Variants in FGL1 observed in about 807,000 individuals in gnomAD.
The protein encoded by FGL1 is fibrinogen like 1, also known as fibrinogen-like protein 1.
Under a neutral mutation model 43.7 loss-of-function variants are expected in FGL1, and 59 were observed. The observed-to-expected ratio is 1.35, with a 90% confidence interval of 1.10 to 1.68. FGL1 has a LOEUF of 1.68. Among genes scored for constraint, FGL1 ranks in the 40% most tolerant of loss-of-function variants. FGL1 has a pLI of 0.00. For missense variants in FGL1, 596 were observed against 373.0 expected, an observed-to-expected ratio of 1.60 and a Z score of -4.92; for synonymous variants, 192 against 126.5, an observed-to-expected ratio of 1.52 and a Z score of -3.48.
intron 7 of FGL1, among the ~76,000 whole-genome samples, chr8:17,867,132 C>G (rs1242602218): frequency 6.6e-6 from 1 of 152,196 alleles, no homozygotes; most frequent in Admixed American, 6.5e-5. Flanking sequence ...GTAGTACTCC[C>G]TTATCTGCAG....
intron 3 of FGL1, 96 bp downstream of exon 3, chr8:17,881,903 T>A (rs901129666): frequency 9.9e-7 from 1 of 1,012,050 alleles, no homozygotes. Context: ...TATTGCTTGT[T>A]ACTGAAATAG....
chr8:17,886,807 G>C (rs111656633), intron 1 of FGL1, among the ~76,000 whole-genome samples: 1 of 119,484 alleles, frequency 8.4e-6, no homozygotes, highest in Non-Finnish European at 1.8e-5. Context: ...GAGAGGAGAG[G>C]AGAGAAGAGA....
chr8:17,885,785 C>G (rs1412490955), intron 1 of FGL1: 5 of 502,304 alleles, frequency 1.0e-5, no homozygotes, highest in African/African-American at 1.9e-5. Context: ...ATCACAAAAA[C>G]AGAGGAAGGA....
Position 17,864,636 on chromosome 8 carries a change from C to A in FGL1, c.895G>T (p.Val299Phe). 6.2e-7 allele frequency: 1 copy of A among 1,612,122 alleles called. No homozygotes were observed. The highest frequency in any genetic ancestry group is 8.5e-7 in the Non-Finnish European group (1 of 1,179,558). ...AAATCATTTGGCCTAATTTTCATAA[C>A]CACAGATTTCAGAGAATACCACCAC... ...HGWWYSLKSV[V>F]MKIRPNDFIP... The change falls in exon 8 of 8, where the codon GTT becomes TTT. Residue 299 changes from valine (V) to phenylalanine (F), a missense_variant. Val to Phe is a conservative substitution (Grantham distance 50, BLOSUM62 -1). Coordinates refer to ENST00000427924, the MANE Select transcript of FGL1 (RefSeq NM_004467.4).
At chr8:17,880,644 G>C (rs1402672091) in intron 3 of FGL1, among the ~76,000 whole-genome samples, 3 of 152,146 alleles carry the variant, frequency 2.0e-5, no homozygotes, top group Non-Finnish European at 4.4e-5. Flanking sequence ...ACCTCACAGA[G>C]TGCCCAGTTA....
At chr8:17,876,785 A>C (rs1182673486) in intron 3 of FGL1, among the ~76,000 whole-genome samples, 1 of 152,182 alleles carries the variant, frequency 6.6e-6, no homozygotes, top group Non-Finnish European at 1.5e-5. Context: ...ATTAGCTATA[A>C]CATTTGCCTC....
At chr8:17,871,872 C>A (rs1234252290) in intron 5 of FGL1, among the ~76,000 whole-genome samples, 2 of 152,128 alleles carry the variant, frequency 1.3e-5, no homozygotes, top group Non-Finnish European at 2.9e-5. Context: ...TGGCAAAGTT[C>A]CTCTGGGAAA....
intron 1 of FGL1, among the ~76,000 whole-genome samples, chr8:17,886,895 GA>G (rs1164992049): frequency 6.6e-6 from 1 of 152,174 alleles, no homozygotes; most frequent in Non-Finnish European, 1.5e-5. Flanking sequence ...CACCCTAGGG[GA>G]TTCTGGATTG....
At chr8:17,893,475 T>C (rs2053735133) in intron 1 of FGL1, among the ~76,000 whole-genome samples, 1 of 150,634 alleles carries the variant, frequency 6.6e-6, no homozygotes, top group Admixed American at 6.6e-5. Flanking sequence ...TAGCATTAGA[T>C]TTAGTAAAAA....
chr8:17,864,622 C>T lies in FGL1; in HGVS notation c.909G>A (p.Arg303=). The change falls in exon 8 of 8, where the codon AGG becomes AGA. Residue 303 remains arginine, a synonymous_variant. Transcript: ENST00000427924. The stretch of plus-strand genomic sequence containing the variant: ...TTACATTTGGAATAAAATCATTTGG[C>T]CTAATTTTCATAACCACAGATTTCA... ...YSLKSVVMKI[R]PNDFIPNVI is the part of the protein sequence containing the mutation. 1.2e-6 allele frequency: 2 copies of T among 1,609,846 alleles called. No individual in the cohort carries two copies. The highest frequency in any genetic ancestry group is 1.7e-6 in the Non-Finnish European group (2 of 1,179,048).
chr8:17,890,430 A>G (rs544951409), intron 1 of FGL1, among the ~76,000 whole-genome samples: 3 of 152,220 alleles, frequency 2.0e-5, no homozygotes, highest in Admixed American at 2.0e-4. Context: ...GCATTTTTGG[A>G]AAACCCTGAA....
chr8:17,882,183 C>G lies in FGL1; in HGVS notation c.64-4G>C, dbSNP rs7812956. On this transcript the variant is annotated splice_region_variant and splice_polypyrimidine_tract_variant and intron_variant, in intron 2 of 7. Coordinates refer to ENST00000427924, the MANE Select transcript of FGL1 (RefSeq NM_004467.4). ...CCTGGGCACAGTCCTCGAGCGCCTG[C>G]AAAACAGGTGAGATGAGATGAGTAT... 5 of 1,611,266 alleles carry G rather than the reference C, an allele frequency of 3.1e-6. 1 individual carries two copies. Among genetic ancestry groups the G allele is most frequent in the Middle Eastern group, 3.6e-4 (2 of 5,518 alleles).
intron 2 of FGL1, among the ~76,000 whole-genome samples, chr8:17,883,739 G>T (rs1410609073): frequency 7.0e-6 from 1 of 143,386 alleles, no homozygotes; most frequent in African/African-American, 2.6e-5. Context: ...CCCATCTCTA[G>T]GTCCAAGTCA....
rs969106759 is a variant in FGL1 at position 17,881,877 on chromosome 8, T to C, written c.244+122A>G. ...AAAGTGTGAAAGAAGACATTTACAA[T>C]AGATATAATGCTTCATATTGCTTGT... is the stretch of plus-strand genomic sequence containing the variant. On this transcript the variant is annotated intron_variant, in intron 3 of 7. Transcript: ENST00000427924. 13 of 704,994 alleles carry C rather than the reference T, an allele frequency of 1.8e-5. No individual in the cohort carries two copies. In the African/African-American group the frequency reaches 2.0e-4, roughly 11 times the overall value. 43.7% of individuals were successfully genotyped at this position (704,994 alleles called of 1,614,324 possible).
At chr8:17,891,626 A>C (rs2053706297) in intron 1 of FGL1, 6 of 960,356 alleles carry the variant, frequency 6.2e-6, no homozygotes, top group Non-Finnish European at 6.2e-6. Context: ...AGCTGAACCT[A>C]GCACAGGTAC....
intron 1 of FGL1, chr8:17,891,268 A>T (rs1351594462): frequency 6.6e-6 from 1 of 152,192 alleles, no homozygotes; most frequent in African/African-American, 2.4e-5. Context: ...TCTGGAGGAT[A>T]CAAGTCCAAA....
intron 1 of FGL1, among the ~76,000 whole-genome samples, chr8:17,887,507 G>A (rs539021365): frequency 9.3e-4 from 142 of 152,276 alleles, no homozygotes; most frequent in African/African-American, 3.3e-3. Context: ...AAATTCATAT[G>A]ATAGCAATTA....
At chr8:17,893,203 AAAAC>A (rs951287118) in intron 1 of FGL1, among the ~76,000 whole-genome samples, 1 of 152,150 alleles carries the variant, frequency 6.6e-6, no homozygotes, top group African/African-American at 2.4e-5. Context: ...TCCATCTCAA[AAAAC>A]AAACAAACAA....
Position 17,894,294 on chromosome 8 carries a change from A to G in FGL1, c.-18+1153T>C, listed in dbSNP as rs12114214. On this transcript the variant is annotated intron_variant, in intron 1 of 7. Transcript: ENST00000427924. ...AAGTATGTTTAATAAGTTAGCATTC[A>G]CAAACGCTATAGGACTATAATGCTT... 3.4e-5 allele frequency among the ~76,000 whole-genome samples: 5 copies of G among 147,282 alleles called. 1 individual carries two copies. The highest frequency in any genetic ancestry group is 1.3e-4 in the African/African-American group (5 of 37,528).
Sources: allele counts gnomAD v4.1 joint callset (sites outside exome capture counted in the v4.1 genomes callset), GRCh38; gene constraint gnomAD v4.1.1; transcripts MANE v1.5; gene names NCBI Gene and HGNC (gene_info 2026-07-23, HGNC 2026-07-21).